MKNK1: variants seen among roughly 807,000 people sequenced by gnomAD.
MKNK1 encodes MAPK interacting serine/threonine kinase 1, also known as MAP kinase-interacting serine/threonine-protein kinase 1.
MKNK1 carries 30 observed loss-of-function variants against 49.3 expected under a neutral mutation model. The observed-to-expected ratio is 0.61, with a 90% CI of 0.46 to 0.83. The LOEUF (loss-of-function observed/expected upper bound fraction) is 0.83, where lower values mean the gene tolerates loss of function less well. Ranked by LOEUF, MKNK1 falls within the 40% of genes least tolerant of loss-of-function variation. MKNK1 has a pLI of 0.00. For synonymous variants in MKNK1, 176 were observed against 201.7 expected, an observed-to-expected ratio of 0.87 and a Z score of 1.08; for missense variants, 423 against 524.7, an observed-to-expected ratio of 0.81 and a Z score of 1.89.
intron 2 of MKNK1, among the ~76,000 whole-genome samples, chr1:46,586,989 T>C (rs1346814159): frequency 6.6e-6 from 1 of 152,186 alleles, no homozygotes; most frequent in Admixed American, 6.5e-5. Flanking sequence ...TTGTACTTTT[T>C]AGTAGAGACG....
At chr1:46,602,802 T>C (rs1258019) in intron 1 of MKNK1, among the ~76,000 whole-genome samples, 152,097 of 152,316 alleles carry the variant, frequency 1, 75,941 homozygotes, top group Non-Finnish European at 1. Context: ...GGTTTCCGAG[T>C]AGTGTCTCAG....
At chr1:46,572,561 T>C (rs1308153818) in intron 6 of MKNK1, among the ~76,000 whole-genome samples, 1 of 151,906 alleles carries the variant, frequency 6.6e-6, no homozygotes, top group Non-Finnish European at 1.5e-5. Flanking sequence ...TTGGAAAACT[T>C]GGGGTGGGGA....
intron 4 of MKNK1, among the ~76,000 whole-genome samples, chr1:46,578,022 G>A (rs1428906298): frequency 2.0e-5 from 3 of 152,324 alleles, no homozygotes; most frequent in African/African-American, 7.2e-5. Context: ...AACCACAGTG[G>A]GCCCATTATC....
At chr1:46,593,857 A>G (rs1393596059) in intron 2 of MKNK1, 1 of 108,962 alleles carries the variant, frequency 9.2e-6, no homozygotes, top group Non-Finnish European at 1.7e-5. Context: ...CTCTATCTGA[A>G]AAAAAAAAAA....
intron 2 of MKNK1, among the ~76,000 whole-genome samples, chr1:46,593,061 C>T (rs973710232): frequency 6.6e-5 from 10 of 152,062 alleles, no homozygotes; most frequent in Non-Finnish European, 1.5e-4. Flanking sequence ...CCTCATCTGA[C>T]CCAAATCTGC....
intron 5 of MKNK1, chr1:46,575,321 A>G (rs1312325729): frequency 1.2e-5 from 3 of 256,324 alleles, no homozygotes; most frequent in South Asian, 9.0e-5. Flanking sequence ...GTCACATTAA[A>G]CTGAATAAAA....
intron 2 of MKNK1, among the ~76,000 whole-genome samples, chr1:46,588,732 CG>C (rs974928590): frequency 2.7e-5 from 4 of 148,750 alleles, no homozygotes; most frequent in Non-Finnish European, 5.9e-5. Flanking sequence ...GCGTAAACCC[CG>C]GGGGGCGGAG....
chr1:46,578,005 G>T (rs1414810014), intron 4 of MKNK1, among the ~76,000 whole-genome samples: 1 of 152,254 alleles, frequency 6.6e-6, no homozygotes, highest in Non-Finnish European at 1.5e-5. Flanking sequence ...AAGTGTGTCT[G>T]TTTGTAAACC....
At chr1:46,600,861 CAG>C (rs1369608607) in intron 1 of MKNK1, among the ~76,000 whole-genome samples, 2 of 152,112 alleles carry the variant, frequency 1.3e-5, no homozygotes, top group East Asian at 1.9e-4. Flanking sequence ...ACTGAAAAAA[CAG>C]AGTCATGACA....
intron 2 of MKNK1, among the ~76,000 whole-genome samples, chr1:46,590,159 C>T (rs1187366918): frequency 3.3e-5 from 5 of 152,032 alleles, no homozygotes; most frequent in Non-Finnish European, 7.4e-5. Context: ...GCTGAGCATT[C>T]CAAAACAAAT....
At chr1:46,568,928 T>TA (rs902880295) in intron 7 of MKNK1, 1,779 of 154,748 alleles carry the variant, frequency 0.011, 36 homozygotes, top group African/African-American at 0.039. Context: ...GTGGCCGATT[T>TA]AAAAAAAAAA....
At chr1:46,601,999 C>T (rs1012770527) in intron 1 of MKNK1, among the ~76,000 whole-genome samples, 1 of 152,140 alleles carries the variant, frequency 6.6e-6, no homozygotes, top group African/African-American at 2.4e-5. Flanking sequence ...AAAGCTTCAC[C>T]ATGGAGGCCA....
At chr1:46,597,697 C>T (rs529696162) in intron 1 of MKNK1, among the ~76,000 whole-genome samples, 1 of 152,358 alleles carries the variant, frequency 6.6e-6, no homozygotes, top group East Asian at 1.9e-4. Context: ...TAGCCAGGGA[C>T]AGGGTAGAGA....
intron 1 of MKNK1, among the ~76,000 whole-genome samples, chr1:46,599,736 T>C (rs1434431055): frequency 6.6e-6 from 1 of 152,222 alleles, no homozygotes; most frequent in Non-Finnish European, 1.5e-5. Flanking sequence ...AGCTGTGCCC[T>C]TACTATCTAT....
intron 7 of MKNK1, 66 bp from the exon 8 acceptor site, chr1:46,568,564 A>C: frequency 6.8e-7 from 1 of 1,467,006 alleles, no homozygotes; most frequent in Non-Finnish European, 9.5e-7. Flanking sequence ...TCCACACACA[A>C]TTAATTTTTT....
At chr1:46,582,962 T>C (rs751158585) in intron 3 of MKNK1, 2 of 624,120 alleles carry the variant, frequency 3.2e-6, no homozygotes, top group South Asian at 1.5e-5. Flanking sequence ...CACTGATAGA[T>C]GGGTCTTCCT....
intron 2 of MKNK1, among the ~76,000 whole-genome samples, chr1:46,588,639 C>T (rs896316368): frequency 2.6e-5 from 4 of 152,002 alleles, no homozygotes; most frequent in African/African-American, 9.7e-5. Flanking sequence ...AACCCCATCT[C>T]TACTAAAAAT....
At chr1:46,568,046 TG>T (rs1249148576) in intron 8 of MKNK1, among the ~76,000 whole-genome samples, 1 of 150,882 alleles carries the variant, frequency 6.6e-6, no homozygotes, top group Non-Finnish European at 1.5e-5. Flanking sequence ...CACTTGAGCC[TG>T]GGAAGTCGAG....
chr1:46,602,798 C>T (rs1434398192), intron 1 of MKNK1, among the ~76,000 whole-genome samples: 1 of 152,176 alleles, frequency 6.6e-6, no homozygotes, highest in Non-Finnish European at 1.5e-5. Context: ...CCAAGGTTTC[C>T]GAGTAGTGTC....
Sources: allele counts gnomAD v4.1 joint callset (sites outside exome capture counted in the v4.1 genomes callset), GRCh38; gene constraint gnomAD v4.1.1; transcripts MANE v1.5; gene names NCBI Gene and HGNC (gene_info 2026-07-23, HGNC 2026-07-21).